Variants in DPYD observed in about 807,000 individuals in gnomAD.
The protein encoded by DPYD is dihydropyrimidine dehydrogenase, also known as dihydropyrimidine dehydrogenase [NADP(+)].
A neutral mutation model predicts 116.2 loss-of-function variants in DPYD; 109 were observed. The observed-to-expected ratio is 0.94, with a 90% CI of 0.80 to 1.10. The LOEUF (loss-of-function observed/expected upper bound fraction) is 1.10, where lower values mean the gene tolerates loss of function less well. Among genes scored for constraint, DPYD ranks in the 50% least tolerant of loss-of-function variants. DPYD has a pLI of 0.00. For synonymous variants in DPYD, 440 were observed against 432.0 expected (o/e 1.02, Z -0.23); for missense variants, 1,302 against 1,254.5 (o/e 1.04, Z -0.57).
chr1:97,667,904 C>T (rs922491112), intron 8 of DPYD, among the ~76,000 whole-genome samples: 1 of 152,002 alleles, frequency 6.6e-6, no homozygotes, highest in Non-Finnish European at 1.5e-5. Flanking sequence ...GTGACACATG[C>T]TACAACATGA....
chr1:97,526,285 C>T (rs575097652), intron 12 of DPYD, among the ~76,000 whole-genome samples: 1 of 152,112 alleles, frequency 6.6e-6, no homozygotes, highest in Admixed American at 6.6e-5. Flanking sequence ...CGTGCTTTGT[C>T]CTCTTTCTTT....
At chr1:97,748,690 T>C (rs1664698263) in intron 3 of DPYD, among the ~76,000 whole-genome samples, 1 of 152,190 alleles carries the variant, frequency 6.6e-6, no homozygotes, top group Non-Finnish European at 1.5e-5. Context: ...ATATAAGTGC[T>C]CATACGCGTT....
chr1:97,277,174 T>C (rs1413867975), intron 18 of DPYD, among the ~76,000 whole-genome samples: 1 of 151,768 alleles, frequency 6.6e-6, no homozygotes, highest in Non-Finnish European at 1.5e-5. Context: ...CATGGACATA[T>C]AGATGGGAAC....
At chr1:97,192,305 T>C (rs576910444) in intron 20 of DPYD, among the ~76,000 whole-genome samples, 5 of 152,282 alleles carry the variant, frequency 3.3e-5, no homozygotes, top group Non-Finnish European at 7.4e-5. Flanking sequence ...TCATTTGAAT[T>C]ATTAAATGCT....
At chr1:97,194,020 C>T (rs777516661) in intron 19 of DPYD, among the ~76,000 whole-genome samples, 1 of 152,144 alleles carries the variant, frequency 6.6e-6, no homozygotes, top group Non-Finnish European at 1.5e-5. Flanking sequence ...TAGTTGACAA[C>T]TCACTTCCCA....
chr1:97,107,752 T>A (rs902807185), intron 20 of DPYD, among the ~76,000 whole-genome samples: 28 of 152,262 alleles, frequency 1.8e-4, no homozygotes, highest in African/African-American at 6.7e-4. Context: ...GTCTGCCTGA[T>A]AGACTCTGTG....
intron 14 of DPYD, among the ~76,000 whole-genome samples, chr1:97,427,299 C>CT (rs1235961900): frequency 1.2e-4 from 18 of 151,624 alleles, no homozygotes; most frequent in African/African-American, 4.8e-5. Context: ...ATGACCTTCA[C>CT]TTTTTTTTTT....
chr1:97,839,358 T>G (rs1311173079), intron 2 of DPYD, among the ~76,000 whole-genome samples: 2 of 152,348 alleles, frequency 1.3e-5, no homozygotes, highest in East Asian at 3.9e-4. Context: ...TCTACTCCAG[T>G]GAGCTAGATT....
At chr1:97,405,551 T>C (rs1025497833) in intron 14 of DPYD, among the ~76,000 whole-genome samples, 5 of 152,166 alleles carry the variant, frequency 3.3e-5, no homozygotes. Flanking sequence ...AGTCTCACTC[T>C]GTTACCTAGG....
At chr1:97,493,673 T>C (rs1679096279) in intron 13 of DPYD, among the ~76,000 whole-genome samples, 1 of 152,032 alleles carries the variant, frequency 6.6e-6, no homozygotes, top group South Asian at 2.1e-4. Context: ...CCAAACATGG[T>C]CCCATGAGCT....
chr1:97,081,097 A>G (rs1342836478), intron 22 of DPYD, among the ~76,000 whole-genome samples: 1 of 151,862 alleles, frequency 6.6e-6, no homozygotes, highest in Non-Finnish European at 1.5e-5. Context: ...GAATTGAGTA[A>G]AAATTTGGTG....
chr1:97,906,759 C>T (rs979145978), intron 1 of DPYD, among the ~76,000 whole-genome samples: 2 of 152,034 alleles, frequency 1.3e-5, no homozygotes, highest in Non-Finnish European at 1.5e-5. Context: ...GGTGCAACTG[C>T]AAAACTTGCA....
At position 97,323,461 on chromosome 1, in the gene DPYD, A is replaced by ATG. The variant is rs1570522924; in HGVS notation, c.2059-17165_2059-17164insCA. Among the ~76,000 whole-genome samples, 7 of 139,286 alleles carry ATG rather than the reference A, an allele frequency of 5.0e-5. No homozygotes were observed. The East Asian group carries it at 8.3e-4, about 17-fold the overall frequency. 91.4% of individuals were successfully genotyped at this position (139,286 alleles called of 152,430 possible). A position where few individuals can be genotyped will look rare whatever the true frequency, so the allele number is the denominator to read the frequency against. On this transcript the variant is annotated intron_variant, in intron 16 of 22. Transcript: ENST00000370192. ...ATGTACACGTATATACATATCATATATACATATATGTGTATATATACACGT... is the reference window on the plus strand; with the variant it reads ...ATGTACACGTATATACATATCATATATGTACATATATGTGTATATATACACGT...
At chr1:97,700,264 G>C (rs1303010560) in intron 5 of DPYD, 1 of 455,942 alleles carries the variant, frequency 2.2e-6, no homozygotes, top group South Asian at 1.5e-5. Flanking sequence ...TTTGAAACCA[G>C]AGAGACACAG....
intron 18 of DPYD, among the ~76,000 whole-genome samples, chr1:97,270,927 A>G (rs1005583397): frequency 6.6e-6 from 1 of 152,222 alleles, no homozygotes; most frequent in African/African-American, 2.4e-5. Context: ...CAAGATTTAA[A>G]AAATGACCAA....
At chr1:97,427,207 G>A (rs1674920730) in intron 14 of DPYD, among the ~76,000 whole-genome samples, 1 of 151,944 alleles carries the variant, frequency 6.6e-6, no homozygotes, top group South Asian at 2.1e-4. Context: ...TTAATTATCT[G>A]TTTATGAAGT....
chr1:97,172,522 T>A (rs1402904901), intron 20 of DPYD, among the ~76,000 whole-genome samples: 2 of 152,238 alleles, frequency 1.3e-5, no homozygotes, highest in African/African-American at 4.8e-5. Context: ...CTTAGATATC[T>A]CTGCCTTCCA....
intron 18 of DPYD, among the ~76,000 whole-genome samples, chr1:97,290,416 C>T (rs535338885): frequency 4.1e-4 from 62 of 152,088 alleles, no homozygotes; most frequent in African/African-American, 7.2e-4. Context: ...GGAGGCATCA[C>T]GCTACCTGAC....
At chr1:97,504,620 T>C (rs1679775985) in intron 13 of DPYD, among the ~76,000 whole-genome samples, 1 of 151,960 alleles carries the variant, frequency 6.6e-6, no homozygotes, top group Non-Finnish European at 1.5e-5. Context: ...GAGGTACCCA[T>C]TAGATAAACG....
Sources: gnomAD v4.1 joint callset for allele counts (sites outside exome capture counted in the v4.1 genomes callset) on GRCh38, gnomAD v4.1.1 for gene constraint, MANE v1.5 for transcripts, NCBI Gene and HGNC (gene_info 2026-07-23, HGNC 2026-07-21) for gene names.